The following PTPRD variants were observed in gnomAD, a reference collection of about 807,000 sequenced individuals.
PTPRD encodes receptor-type tyrosine-protein phosphatase delta.
Under a neutral mutation model 214.5 loss-of-function variants are expected in PTPRD, and 34 were observed. That is an observed-to-expected ratio of 0.16 (90% CI 0.12 to 0.21). The LOEUF (loss-of-function observed/expected upper bound fraction) is 0.21. Among genes scored for constraint, PTPRD ranks in the 10% least tolerant of loss-of-function variants. The pLI, the probability that PTPRD is intolerant of heterozygous loss-of-function variation, is 1.00. For synonymous variants in PTPRD, 1,128 were observed against 845.7 expected (o/e 1.33, Z -5.79); for missense variants, 2,545 against 2,398.7 (o/e 1.06, Z -1.27).
chr9:9,675,319 T>C (rs1464503150), intron 7 of PTPRD, among the ~76,000 whole-genome samples: 1 of 151,776 alleles, frequency 6.6e-6, no homozygotes, highest in Non-Finnish European at 1.5e-5. Flanking sequence ...TAAATGCTCA[T>C]AATAAAAATA....
chr9:9,585,658 C>T (rs7858602), intron 7 of PTPRD, among the ~76,000 whole-genome samples: 21,901 of 151,934 alleles, frequency 0.14, 1,683 homozygotes, highest in Middle Eastern at 0.32. Flanking sequence ...TCTTTTCAGC[C>T]CTTCATCCAA....
At chr9:10,255,199 G>C (rs1282021717) in intron 3 of PTPRD, among the ~76,000 whole-genome samples, 1 of 152,158 alleles carries the variant, frequency 6.6e-6, no homozygotes, top group Non-Finnish European at 1.5e-5. Context: ...TGCTTAAGGA[G>C]GGGGATACAT....
chr9:10,414,540 A>G (rs890816810), intron 2 of PTPRD, among the ~76,000 whole-genome samples: 2 of 151,932 alleles, frequency 1.3e-5, no homozygotes, highest in Non-Finnish European at 2.9e-5. Context: ...CAATTCCTCC[A>G]AGAGCTAAAA....
chr9:9,259,881 T>C (rs1329659061), intron 9 of PTPRD, among the ~76,000 whole-genome samples: 2 of 151,800 alleles, frequency 1.3e-5, no homozygotes, highest in Non-Finnish European at 2.9e-5. Context: ...CTAGGGAAGA[T>C]GAACTTAGGA....
chr9:9,560,394 GCA>G (rs2154291794), intron 8 of PTPRD, among the ~76,000 whole-genome samples: 1 of 152,348 alleles, frequency 6.6e-6, no homozygotes, highest in South Asian at 2.1e-4. Flanking sequence ...ATTTCCCGCA[GCA>G]CAGTTACAAA....
chr9:10,571,790 A>G (rs1386115366), intron 2 of PTPRD, among the ~76,000 whole-genome samples: 2 of 152,192 alleles, frequency 1.3e-5, no homozygotes, highest in African/African-American at 2.4e-5. Context: ...CATAAGGAAC[A>G]GGCGACCTAG....
At chr9:9,311,139 G>T (rs1279633382) in intron 9 of PTPRD, among the ~76,000 whole-genome samples, 1 of 151,952 alleles carries the variant, frequency 6.6e-6, no homozygotes, top group Non-Finnish European at 1.5e-5. Flanking sequence ...AGAATTTATT[G>T]TTTGTTTAGT....
intron 5 of PTPRD, among the ~76,000 whole-genome samples, chr9:9,873,718 G>T (rs2066094914): frequency 6.6e-6 from 1 of 152,082 alleles, no homozygotes. Flanking sequence ...GATAATAAAT[G>T]AGCATTCTTA....
intron 5 of PTPRD, among the ~76,000 whole-genome samples, chr9:9,785,451 A>G (rs1054657660): frequency 6.6e-6 from 1 of 152,124 alleles, no homozygotes; most frequent in Non-Finnish European, 1.5e-5. Flanking sequence ...AAAGGACACA[A>G]CATAGTTTCT....
chr9:9,787,410 G>C (rs1232379564), intron 5 of PTPRD, among the ~76,000 whole-genome samples: 1 of 129,554 alleles, frequency 7.7e-6, no homozygotes, highest in Admixed American at 7.7e-5. Context: ...AAGTGTTTAT[G>C]TCAACTATGT....
intron 33 of PTPRD, chr9:8,451,785 C>T (rs1040432899): frequency 6.6e-5 from 27 of 411,672 alleles, no homozygotes; most frequent in Middle Eastern, 3.5e-4. Context: ...TCAGGCCCAA[C>T]GACTAAAATT....
intron 11 of PTPRD, among the ~76,000 whole-genome samples, chr9:8,759,024 G>T (rs1258483230): frequency 2.7e-5 from 4 of 148,124 alleles, no homozygotes; most frequent in Non-Finnish European, 4.4e-5. Context: ...GGTGTTCTTT[G>T]GTTTTGGGTT....
At chr9:9,359,310 T>C (rs1321373934) in intron 9 of PTPRD, among the ~76,000 whole-genome samples, 1 of 151,310 alleles carries the variant, frequency 6.6e-6, no homozygotes, top group African/African-American at 2.4e-5. Context: ...AAGCTATTTA[T>C]GATTTTTCTA....
intron 2 of PTPRD, among the ~76,000 whole-genome samples, chr9:10,478,542 A>C (rs1403434047): frequency 6.6e-6 from 1 of 152,142 alleles, no homozygotes; most frequent in East Asian, 1.9e-4. Context: ...GAGACAGTTA[A>C]GCAACATATA....
intron 5 of PTPRD, among the ~76,000 whole-genome samples, chr9:9,806,437 C>T (rs184347542): frequency 7.9e-5 from 12 of 152,220 alleles, no homozygotes; most frequent in Admixed American, 5.2e-4. Flanking sequence ...TATTTTGTAA[C>T]ATTCCTCCCC....
At chr9:10,392,030 G>A (rs1461622014) in intron 2 of PTPRD, among the ~76,000 whole-genome samples, 3 of 151,520 alleles carry the variant, frequency 2.0e-5, no homozygotes, top group Admixed American at 6.6e-5. Context: ...TCCCTACTAC[G>A]TTTTATTTTT....
intron 8 of PTPRD, among the ~76,000 whole-genome samples, chr9:9,475,936 G>T (rs1019758957): frequency 6.6e-6 from 1 of 151,996 alleles, no homozygotes; most frequent in Non-Finnish European, 1.5e-5. Flanking sequence ...ACACATTGTA[G>T]GGATTATCAT....
At chr9:8,587,604 A>C (rs978336196) in intron 14 of PTPRD, among the ~76,000 whole-genome samples, 6 of 150,840 alleles carry the variant, frequency 4.0e-5, no homozygotes, top group Non-Finnish European at 7.3e-5. Flanking sequence ...TGAATTTGGA[A>C]AAAAATCAAA....
intron 2 of PTPRD, among the ~76,000 whole-genome samples, chr9:10,424,924 A>C (rs1197505890): frequency 1.3e-5 from 2 of 152,118 alleles, no homozygotes; most frequent in East Asian, 3.9e-4. Context: ...TACTCTCTCC[A>C]AAATAGTAGG....
Sources: gnomAD v4.1 joint callset for allele counts (sites outside exome capture counted in the v4.1 genomes callset) on GRCh38, gnomAD v4.1.1 for gene constraint, MANE v1.5 for transcripts, NCBI Gene and HGNC (gene_info 2026-07-23, HGNC 2026-07-21) for gene names.